Variants in GRIA2 observed in about 807,000 individuals in gnomAD.
GRIA2 encodes glutamate ionotropic receptor AMPA type subunit 2.
A neutral mutation model predicts 97.3 loss-of-function variants in GRIA2; 14 were observed. That is an observed-to-expected ratio of 0.14 (90% CI 0.10 to 0.23). GRIA2 has a LOEUF of 0.23. Ranked by LOEUF, GRIA2 falls within the 10% of genes least tolerant of loss-of-function variation. The pLI, the probability that GRIA2 is intolerant of heterozygous loss-of-function variation, is 1.00. For synonymous variants in GRIA2, 412 were observed against 387.8 expected, an observed-to-expected ratio of 1.06 and a Z score of -0.73; for missense variants, 558 against 1,069.8, an observed-to-expected ratio of 0.52 and a Z score of 6.67.
intron 2 of GRIA2, among the ~76,000 whole-genome samples, chr4:157,228,453 A>G (rs1048548554): frequency 1.9e-4 from 29 of 152,208 alleles, no homozygotes; most frequent in African/African-American, 6.5e-4. Context: ...TGTACAATAT[A>G]CATGTTGAAG....
intron 2 of GRIA2, among the ~76,000 whole-genome samples, chr4:157,261,621 A>G (rs192130190): frequency 7.6e-4 from 116 of 152,250 alleles, no homozygotes; most frequent in African/African-American, 2.8e-3. Context: ...CAGTTTGCTG[A>G]AAGACAATAT....
At chr4:157,327,006 T>G (rs1579366271) in intron 6 of GRIA2, among the ~76,000 whole-genome samples, 1 of 152,140 alleles carries the variant, frequency 6.6e-6, no homozygotes, top group Non-Finnish European at 1.5e-5. Flanking sequence ...GGTTGTGGCA[T>G]GGGGATGGAG....
rs573981718 is a variant in GRIA2 at position 157,311,183 on chromosome 4, TG to T, written c.470-1495del. Among the ~76,000 whole-genome samples, 6 of 152,102 alleles carry T rather than the reference TG, an allele frequency of 3.9e-5. No homozygotes were observed. The East Asian group carries it at 1.2e-3, about 29-fold the overall frequency. Reference sequence around the variant, plus strand: ...GGTTCATATAGGAAATGCAGGAAAATGCTTGTTTTATTTCATTATTTACCAG... The same window carrying T: ...GGTTCATATAGGAAATGCAGGAAAATCTTGTTTTATTTCATTATTTACCAG... On this transcript the variant is annotated intron_variant, in intron 3 of 15. Coordinates refer to ENST00000264426, the MANE Select transcript of GRIA2 (RefSeq NM_001083619.3).
Position 157,290,968 on chromosome 4 carries a change from C to T in GRIA2, c.230-12584C>T, listed in dbSNP as rs1054335176. On this transcript the variant is annotated intron_variant, in intron 2 of 15. Transcript: ENST00000264426. ...ACTCTGTGATTTATATACAGAAGTG[C>T]ATATGTTCTCCAGAACAAGACGTTC... Among the ~76,000 whole-genome samples, 4 of 151,878 alleles carry T rather than the reference C, an allele frequency of 2.6e-5. No homozygotes were observed. In the Admixed American group the frequency reaches 2.6e-4, roughly 10 times the overall value.
chr4:157,265,834 T>A (rs963721785), intron 2 of GRIA2, among the ~76,000 whole-genome samples: 1 of 152,078 alleles, frequency 6.6e-6, no homozygotes, highest in Non-Finnish European at 1.5e-5. Context: ...TTTGGGTAGT[T>A]TTAAGCAGCA....
At chr4:157,237,453 TG>T (rs2126708229) in intron 2 of GRIA2, among the ~76,000 whole-genome samples, 1 of 152,078 alleles carries the variant, frequency 6.6e-6, no homozygotes, top group Non-Finnish European at 1.5e-5. Flanking sequence ...TGCCACTGCC[TG>T]GTTAATTTTT....
chr4:157,323,858 G>C (rs1734693893), intron 6 of GRIA2, among the ~76,000 whole-genome samples: 1 of 152,134 alleles, frequency 6.6e-6, no homozygotes, highest in African/African-American at 2.4e-5. Context: ...TCCTGCTGTA[G>C]CATTTCCCCT....
At chr4:157,288,651 G>C (rs1283665271) in intron 2 of GRIA2, among the ~76,000 whole-genome samples, 10 of 151,600 alleles carry the variant, frequency 6.6e-5, no homozygotes, top group Non-Finnish European at 1.3e-4. Context: ...CAGGGAAGTT[G>C]GGCTATTTAA....
chr4:157,232,706 C>T (rs1730075231), intron 2 of GRIA2, among the ~76,000 whole-genome samples: 2 of 152,096 alleles, frequency 1.3e-5, no homozygotes, highest in Non-Finnish European at 2.9e-5. Context: ...TTTCAGAGCA[C>T]ACACAAGTTC....
chr4:157,248,894 G>T (rs962849967), intron 2 of GRIA2, among the ~76,000 whole-genome samples: 3 of 151,118 alleles, frequency 2.0e-5, no homozygotes, highest in African/African-American at 7.3e-5. Context: ...CTGGAGTGCA[G>T]TGGGATGATC....
intron 2 of GRIA2, among the ~76,000 whole-genome samples, chr4:157,261,784 T>C (rs1272869977): frequency 6.6e-6 from 1 of 152,086 alleles, no homozygotes; most frequent in Non-Finnish European, 1.5e-5. Context: ...TTTTTGAAAA[T>C]ATGTGTCTTT....
chr4:157,351,848 T>A (rs1022590803), intron 12 of GRIA2, among the ~76,000 whole-genome samples: 2 of 152,206 alleles, frequency 1.3e-5, no homozygotes, highest in Admixed American at 6.5e-5. Flanking sequence ...CTTTTGACTT[T>A]CACCACAATT....
chr4:157,235,428 G>A (rs1730199410), intron 2 of GRIA2, among the ~76,000 whole-genome samples: 1 of 151,910 alleles, frequency 6.6e-6, no homozygotes, highest in South Asian at 2.1e-4. Context: ...GATTACATTA[G>A]TCTCGGTAAT....
intron 2 of GRIA2, among the ~76,000 whole-genome samples, chr4:157,245,090 A>G (rs1414981693): frequency 6.6e-6 from 1 of 151,892 alleles, no homozygotes; most frequent in Non-Finnish European, 1.5e-5. Context: ...GGACAAAAAC[A>G]GGCATCTACA....
intron 12 of GRIA2, among the ~76,000 whole-genome samples, chr4:157,356,007 GTATTTATATA>G (rs1288475870): frequency 9.0e-5 from 6 of 66,518 alleles, no homozygotes; most frequent in African/African-American, 2.8e-4. Flanking sequence ...ATTTATATAT[GTATTTATATA>G]TATTTATATA....
In GRIA2 at chr4:157,294,450, GA is replaced by G. The variant is rs1177233693; in HGVS notation, c.230-9093del. ...ATGGTGGCTATAAACATGAAGAAGA[GA>G]AAAAAAAAGAGAGAGAGAGAAAACA... On this transcript the variant is annotated intron_variant, in intron 2 of 15. Transcript: ENST00000264426. Among the ~76,000 whole-genome samples the G allele has an allele frequency of 3.7e-5, 5 of 136,814 alleles. No homozygotes were observed. The South Asian group carries it at 6.8e-4, about 19-fold the overall frequency. 89.8% of individuals were successfully genotyped at this position (136,814 alleles called of 152,430 possible). A position where few individuals can be genotyped will look rare whatever the true frequency, so the allele number is the denominator to read the frequency against.
At chr4:157,287,436 A>C (rs760798222) in intron 2 of GRIA2, among the ~76,000 whole-genome samples, 5 of 151,548 alleles carry the variant, frequency 3.3e-5, no homozygotes, top group Admixed American at 6.6e-5. Flanking sequence ...CTTTCTAAAA[A>C]AGTTTTGAGC....
At chr4:157,358,319 T>C (rs1446277813) in intron 12 of GRIA2, among the ~76,000 whole-genome samples, 1 of 152,146 alleles carries the variant, frequency 6.6e-6, no homozygotes, top group African/African-American at 2.4e-5. Context: ...TAGAATACAT[T>C]TATTAAGAAC....
intron 4 of GRIA2, 22 bp from the exon 5 acceptor site, chr4:157,317,636 A>C (rs2126896894): frequency 1.1e-6 from 1 of 876,186 alleles, no homozygotes; most frequent in Non-Finnish European, 1.9e-6. Flanking sequence ...TAATTAAATA[A>C]TTACTTATTT....
Sources: gnomAD v4.1 joint callset for allele counts (sites outside exome capture counted in the v4.1 genomes callset) on GRCh38, gnomAD v4.1.1 for gene constraint, MANE v1.5 for transcripts, NCBI Gene and HGNC (gene_info 2026-07-23, HGNC 2026-07-21) for gene names.